The following PKD1 variants were observed in gnomAD, a reference collection of about 807,000 sequenced individuals.
The protein encoded by PKD1 is polycystin 1, transient receptor potential channel interacting.
PKD1 carries 81 observed loss-of-function variants against 361.7 expected under a neutral mutation model. That is an observed-to-expected ratio of 0.22 (90% CI 0.19 to 0.27). PKD1 has a LOEUF of 0.27. Among genes scored for constraint, PKD1 ranks in the 10% least tolerant of loss-of-function variants. The probability of loss-of-function intolerance (pLI) is 1.00; values close to 1 mark genes in which losing one functional copy is unlikely to be tolerated. For missense variants in PKD1, 6,399 were observed against 6,118.3 expected (o/e 1.05, Z -1.53); for synonymous variants, 3,615 against 2,818.3 (o/e 1.28, Z -8.95).
rs1159022512 is a variant in PKD1, at chr16:2,100,124, G to A, written c.9712+42C>T. 3 of 1,603,786 alleles carry A rather than the reference G, an allele frequency of 1.9e-6. No individual in the cohort carries two copies. Among genetic ancestry groups the A allele is most frequent in the Non-Finnish European group, 1.7e-6 (2 of 1,174,444 alleles). On this transcript the variant is annotated intron_variant, in intron 28 of 45. Coordinates refer to ENST00000262304, the MANE Select transcript of PKD1 (RefSeq NM_001009944.3). The surrounding 1 kb of genome is among the most constrained non-coding windows in gnomAD (Gnocchi z 4.4). ...GGAGGCCACGGGGCAGGACCACCCT[G>A]CCCAACCTCCCACGGAGTGGGAACA...
Position 2,106,924 on chromosome 16 carries a change from G to A in PKD1, c.7090C>T (p.Pro2364Ser). 6.3e-7 allele frequency: 1 copy of A among 1,576,620 alleles called. No individual in the cohort carries two copies. Among genetic ancestry groups the A allele is most frequent in the Non-Finnish European group, 8.6e-7 (1 of 1,163,888 alleles). Reference sequence around the variant, plus strand: ...GACACACACTCCAAGGACACAATGGGCACCCGGCCACTCCGGATCAGCACC... The same window carrying A: ...GACACACACTCCAAGGACACAATGGACACCCGGCCACTCCGGATCAGCACC... ...QTVLIRSGRV[P>S]IVSLECVSCK... Residue 2364 changes from proline to serine, a missense_variant, in exon 17 of 46, where the codon CCC (proline) becomes TCC (serine). Pro to Ser is a moderately conservative substitution (Grantham distance 74). Transcript: ENST00000262304. The surrounding 1 kb of genome is among the most constrained non-coding windows in gnomAD (Gnocchi z 6.5).
In PKD1 at chr16:2,106,663, A is replaced by G. The variant is rs1307381638; in HGVS notation, c.7224T>C (p.Arg2408=). 6.3e-7 allele frequency: 1 copy of G among 1,596,350 alleles called. No homozygotes were observed. Among genetic ancestry groups the G allele is most frequent in the Admixed American group, 1.7e-5 (1 of 59,880 alleles). ...GCACCAGCGTCTTGTTGCTGAACGT[A>G]CGTGCAGCCCACCGCTGCAGGCAGA... is the stretch of plus-strand genomic sequence containing the variant. ...SGSKRGRWAA[R]TFSNKTLVLD... is the part of the protein sequence containing the mutation. The change falls in exon 18 of 46, where the codon CGT becomes CGC. Residue 2408 remains arginine (R), a synonymous_variant. Coordinates refer to ENST00000262304, the MANE Select transcript of PKD1 (RefSeq NM_001009944.3). The surrounding 1 kb of genome is among the most constrained non-coding windows in gnomAD (Gnocchi z 6.5).
chr16:2,119,589 A>C (rs1232549639), intron 1 of PKD1, among the ~76,000 whole-genome samples: 2 of 152,222 alleles, frequency 1.3e-5, no homozygotes, highest in African/African-American at 4.8e-5. Context: ...TGGGGGCCTC[A>C]GCCCTCTGCA....
At position 2,103,643 on chromosome 16, in the gene PKD1, T is replaced by C. The variant is rs202086892; in HGVS notation, c.8414A>G (p.His2805Arg). 55 of 1,610,214 alleles carry C rather than the reference T, an allele frequency of 3.4e-5. No homozygotes were observed. The highest frequency in any genetic ancestry group is 4.2e-5 in the Non-Finnish European group (50 of 1,179,668). Reference sequence around the variant, plus strand: ...GCTGAAAGCCTCGGGGATGGAGAAGTGGCAGCCAGGCCCTGGGGCGCCGCC... The same window carrying C: ...GCTGAAAGCCTCGGGGATGGAGAAGCGGCAGCCAGGCCCTGGGGCGCCGCC... ...CYGGAPGPGC[H>R]FSIPEAFSGA... is the part of the protein sequence containing the mutation. The change falls in exon 23 of 46, where the codon CAC (histidine) becomes CGC (arginine). Residue 2805 changes from histidine (H) to arginine (R), a missense_variant. His to Arg is a conservative substitution (Grantham distance 29). Transcript: ENST00000262304.
chr16:2,092,848 G>A, intron 38 of PKD1, 106 bp downstream of exon 38: 1 of 1,377,902 alleles, frequency 7.3e-7, no homozygotes, highest in Non-Finnish European at 1.0e-6. Context: ...TCCAGTTCTA[G>A]CAGCCACAAA....
At position 2,102,417 on chromosome 16, in the gene PKD1, G is replaced by A; in HGVS notation, c.9165C>T (p.Leu3055=). The part of the protein sequence containing the change: ...TRHLTAFGAS[L]FVPPSHVRFV... ...AGCGGACATGGCTTGGGGGCACGAAGAGGCTGGCGCCGAAGGCGGTGAGGT... is the reference window on the plus strand; with the variant it reads ...AGCGGACATGGCTTGGGGGCACGAAAAGGCTGGCGCCGAAGGCGGTGAGGT... The change falls in exon 25 of 46, where the codon CTC becomes CTT. Residue 3055 remains leucine (L), a synonymous_variant. Transcript: ENST00000262304. 2 of 1,553,400 alleles carry A rather than the reference G, an allele frequency of 1.3e-6. No individual in the cohort carries two copies. The highest frequency in any genetic ancestry group is 2.4e-5 in the East Asian group (1 of 41,272).
chr16:2,106,436 A>C lies in PKD1; in HGVS notation c.7451T>G (p.Val2484Gly), dbSNP rs2092339326. The change falls in exon 18 of 46, where the codon GTG becomes GGG. Residue 2484 changes from valine to glycine, a missense_variant. Transcript: ENST00000262304. The surrounding 1 kb of genome is among the most constrained non-coding windows in gnomAD (Gnocchi z 6.5). Reference protein sequence around the residue: ...GSCRLFPLGAVHALTTKVHFE... With the variant: ...GSCRLFPLGAGHALTTKVHFE... The stretch of plus-strand genomic sequence containing the variant: ...GTGCACCTTGGTGGTGAGGGCGTGC[A>C]CAGCGCCCAGTGGGAAGAGGCGGCA... 1.3e-6 allele frequency: 2 copies of C among 1,590,132 alleles called. No homozygotes were observed. The highest frequency in any genetic ancestry group is 1.7e-6 in the Non-Finnish European group (2 of 1,172,724).
In PKD1 at chr16:2,105,494, C is replaced by T; in HGVS notation, c.7864-20G>A. On this transcript the variant is annotated intron_variant, in intron 20 of 45. Coordinates refer to ENST00000262304, the MANE Select transcript of PKD1 (RefSeq NM_001009944.3). ...CTCGTACTGGGGCAGGCAGGGGGCACAGCAAGCTGTCAGCAGCGCAGGAGG... is the reference window on the plus strand; with the variant it reads ...CTCGTACTGGGGCAGGCAGGGGGCATAGCAAGCTGTCAGCAGCGCAGGAGG... The T allele has an allele frequency of 6.3e-7, 1 of 1,595,352 alleles. No homozygotes were observed. Among genetic ancestry groups the T allele is most frequent in the Non-Finnish European group, 8.5e-7 (1 of 1,179,170 alleles).
chr16:2,131,516 A>T (rs1567230072), intron 1 of PKD1, among the ~76,000 whole-genome samples: 1 of 149,816 alleles, frequency 6.7e-6, no homozygotes, highest in East Asian at 2.0e-4. Context: ...TCAAATAATA[A>T]AAATAAATAA....
Position 2,117,576 on chromosome 16 carries a change from T to C in PKD1, c.1298A>G (p.Gln433Arg). ...CCCGGCCCAGGCCTGACACTGCTCC[T>C]GCGCCTGCAGCCAGGCCGCCTTCTC... Reference protein sequence around the residue: ...VVEKAAWLQAQEQCQAWAGAA... With the variant: ...VVEKAAWLQAREQCQAWAGAA... Residue 433 changes from glutamine to arginine, a missense_variant, in exon 6 of 46, where the codon CAG (glutamine) becomes CGG (arginine). Coordinates refer to ENST00000262304, the MANE Select transcript of PKD1 (RefSeq NM_001009944.3). 6.2e-7 allele frequency: 1 copy of C among 1,607,976 alleles called. No individual in the cohort carries two copies.
intron 21 of PKD1, among the ~76,000 whole-genome samples, 177 bp downstream of exon 21, chr16:2,105,145 C>T (rs998926305): frequency 6.7e-6 from 1 of 150,284 alleles, no homozygotes; most frequent in Non-Finnish European, 1.5e-5. Context: ...CCTGCGTTCA[C>T]ACAGGACAGA....
At chr16:2,095,704 G>A (rs1009591995) in intron 34 of PKD1, among the ~76,000 whole-genome samples, 15 of 152,374 alleles carry the variant, frequency 9.8e-5, no homozygotes, top group African/African-American at 3.4e-4. Flanking sequence ...CCTCCGACCT[G>A]GTCAGCCCGA....
intron 23 of PKD1, 121 bp downstream of exon 23, chr16:2,103,145 C>T (rs2092168379): frequency 7.5e-7 from 1 of 1,337,388 alleles, no homozygotes; most frequent in South Asian, 1.2e-5. Context: ...GGCCAGGCCC[C>T]CAGCAGCCCA....
chr16:2,093,942 G>T lies in PKD1; in HGVS notation c.10690C>A (p.Leu3564Ile). 1 of 1,586,214 alleles carries T rather than the reference G, an allele frequency of 6.3e-7. No individual in the cohort carries two copies. The highest frequency in any genetic ancestry group is 8.5e-7 in the Non-Finnish European group (1 of 1,170,168). Reference protein sequence around the residue: ...CASLAHGLSLLLVAVAVAVSG... With the variant: ...CASLAHGLSLILVAVAVAVSG... ...ACAGCCACAGCCACAGCCACCAGGA[G>T]CAGGCTGAGCCCGTGGGCCAGGGAG... is the stretch of plus-strand genomic sequence containing the variant. Residue 3564 changes from leucine to isoleucine, a missense_variant, in exon 36 of 46, where the codon CTC becomes ATC. Coordinates refer to ENST00000262304, the MANE Select transcript of PKD1 (RefSeq NM_001009944.3).
Position 2,093,951 on chromosome 16 carries a change from G to C in PKD1, c.10681C>G (p.Leu3561Val). Residue 3561 changes from leucine to valine, a missense_variant, in exon 36 of 46, where the codon CTC (leucine) becomes GTC (valine). Physicochemically the swap from Leu to Val is conservative, Grantham distance 32. Transcript: ENST00000262304. ...GCCACAGCCACCAGGAGCAGGCTGA[G>C]CCCGTGGGCCAGGGAGGCACACCAG... ...PAWCASLAHG[L>V]SLLLVAVAVA... 6.3e-7 allele frequency: 1 copy of C among 1,586,272 alleles called. No individual in the cohort carries two copies. The highest frequency in any genetic ancestry group is 8.5e-7 in the Non-Finnish European group (1 of 1,169,990).
rs1267565433 is a variant in PKD1, at chr16:2,112,798, C to A, written c.3151G>T (p.Val1051Leu). Residue 1051 changes from valine to leucine, a missense_variant, in exon 13 of 46, where the codon GTG becomes TTG. Transcript: ENST00000262304. ...CCCCGAGTCACTCACAGGAAGGCCA[C>A]CTCCACGGCCGAGTCCACCAGCACG... ...AGVLVDSAVE[V>L]AFLWTFGDGE... is the part of the protein sequence containing the mutation. The A allele has an allele frequency of 3.8e-6, 6 of 1,597,220 alleles. No homozygotes were observed. The highest frequency in any genetic ancestry group is 5.1e-6 in the Non-Finnish European group (6 of 1,179,514).
intron 1 of PKD1, among the ~76,000 whole-genome samples, chr16:2,122,346 G>C (rs2092734196): frequency 6.6e-6 from 1 of 152,206 alleles, no homozygotes; most frequent in Admixed American, 6.5e-5. Flanking sequence ...CTGTGCCCTG[G>C]GCTCCGGGAG....
intron 16 of PKD1, chr16:2,107,635 T>C (rs904437575): frequency 2.1e-5 from 12 of 581,606 alleles, no homozygotes; most frequent in East Asian, 1.2e-4. Flanking sequence ...TTCCTCACTG[T>C]TGGTATTGCT....
At chr16:2,122,373 G>A (rs1347028921) in intron 1 of PKD1, among the ~76,000 whole-genome samples, 1 of 152,194 alleles carries the variant, frequency 6.6e-6, no homozygotes, top group Non-Finnish European at 1.5e-5. Context: ...GGATCTGGGG[G>A]CCAGGCACAC....
Sources: gnomAD v4.1 joint callset for allele counts (sites outside exome capture counted in the v4.1 genomes callset) on GRCh38, gnomAD v4.1.1 for gene constraint, Gnocchi (gnomAD v3.1) non-coding constraint, MANE v1.5 for transcripts, NCBI Gene and HGNC (gene_info 2026-07-23, HGNC 2026-07-21) for gene names.